The following LUZP2 variants were observed in gnomAD, a reference collection of about 807,000 sequenced individuals.
LUZP2 encodes leucine zipper protein 2.
Under a neutral mutation model 51.6 loss-of-function variants are expected in LUZP2, and 52 were observed. The observed-to-expected ratio is 1.01, with a 90% CI of 0.81 to 1.27. The LOEUF (loss-of-function observed/expected upper bound fraction) is 1.27, where lower values mean the gene tolerates loss of function less well. Among genes scored for constraint, LUZP2 ranks in the 50% most tolerant of loss-of-function variants. The pLI is 0.00. For synonymous variants in LUZP2, 154 were observed against 137.3 expected, an observed-to-expected ratio of 1.12 and a Z score of -0.85; for missense variants, 436 against 395.4, an observed-to-expected ratio of 1.10 and a Z score of -0.87.
intron 7 of LUZP2, among the ~76,000 whole-genome samples, chr11:24,943,620 G>A (rs771236629): frequency 6.6e-6 from 1 of 152,152 alleles, no homozygotes; most frequent in Non-Finnish European, 1.5e-5. Flanking sequence ...GCTCATGCCT[G>A]TAATCCCAGC....
At chr11:24,959,620 G>A (rs1379318588) in intron 7 of LUZP2, among the ~76,000 whole-genome samples, 1 of 152,208 alleles carries the variant, frequency 6.6e-6, no homozygotes, top group Non-Finnish European at 1.5e-5. Flanking sequence ...AGACTTTGCT[G>A]AAGTTGCTTA....
At chr11:24,908,594 A>G (rs1350375382) in intron 6 of LUZP2, among the ~76,000 whole-genome samples, 4 of 152,178 alleles carry the variant, frequency 2.6e-5, no homozygotes, top group African/African-American at 7.2e-5. Context: ...GCTTTTCAAA[A>G]TGTTGCTAAC....
intron 4 of LUZP2, among the ~76,000 whole-genome samples, chr11:24,746,620 T>C (rs750058396): frequency 7.2e-5 from 11 of 152,212 alleles, no homozygotes; most frequent in East Asian, 5.8e-4. Flanking sequence ...ATGGAAGTTT[T>C]CTTCAATTAT....
chr11:24,643,020 A>C (rs1319617883), intron 1 of LUZP2, among the ~76,000 whole-genome samples: 1 of 152,036 alleles, frequency 6.6e-6, no homozygotes, highest in African/African-American at 2.4e-5. Flanking sequence ...AGTGAAGAAG[A>C]GGGTCTCTTT....
intron 5 of LUZP2, among the ~76,000 whole-genome samples, chr11:24,781,393 T>C (rs1488119480): frequency 2.0e-5 from 3 of 152,124 alleles, no homozygotes; most frequent in African/African-American, 7.2e-5. Context: ...AGTTTTGGTT[T>C]AACCTCAGAG....
At chr11:24,519,935 TA>T (rs1260739344) in intron 1 of LUZP2, among the ~76,000 whole-genome samples, 1 of 152,250 alleles carries the variant, frequency 6.6e-6, no homozygotes, top group Non-Finnish European at 1.5e-5. Flanking sequence ...AGTAACTCAA[TA>T]TAACAACATC....
At chr11:24,922,426 T>C (rs1854089778) in intron 7 of LUZP2, among the ~76,000 whole-genome samples, 1 of 152,186 alleles carries the variant, frequency 6.6e-6, no homozygotes, top group Non-Finnish European at 1.5e-5. Context: ...TGTAAAGTAG[T>C]TTTTCCTTAA....
At chr11:24,945,059 C>G (rs1399440428) in intron 7 of LUZP2, among the ~76,000 whole-genome samples, 2 of 152,146 alleles carry the variant, frequency 1.3e-5, no homozygotes, top group Admixed American at 1.3e-4. Flanking sequence ...TCTTTGCAAG[C>G]TGGAAACCAC....
intron 4 of LUZP2, among the ~76,000 whole-genome samples, chr11:24,747,039 A>T (rs1859407347): frequency 6.6e-6 from 1 of 152,050 alleles, no homozygotes; most frequent in Admixed American, 6.6e-5. Context: ...AACCGCCTGA[A>T]TTCTTTTTCA....
intron 10 of LUZP2, among the ~76,000 whole-genome samples, chr11:25,062,504 C>A (rs893135532): frequency 6.9e-6 from 1 of 144,172 alleles, no homozygotes; most frequent in Non-Finnish European, 1.5e-5. Context: ...GTGGGAGGAT[C>A]ACTGGAGCCA....
intron 5 of LUZP2, among the ~76,000 whole-genome samples, chr11:24,888,477 C>T (rs1852741348): frequency 6.6e-6 from 1 of 151,742 alleles, no homozygotes; most frequent in African/African-American, 2.4e-5. Flanking sequence ...AGTTTCCAGT[C>T]AAAAATCAAA....
At chr11:25,006,050 C>A (rs187539214) in intron 9 of LUZP2, among the ~76,000 whole-genome samples, 1 of 152,040 alleles carries the variant, frequency 6.6e-6, no homozygotes, top group Admixed American at 6.6e-5. Context: ...TTCTGAGGCT[C>A]CCCATATCCC....
intron 5 of LUZP2, among the ~76,000 whole-genome samples, chr11:24,844,830 T>C (rs939408450): frequency 6.6e-6 from 1 of 152,200 alleles, no homozygotes; most frequent in Non-Finnish European, 1.5e-5. Context: ...CATGTGGTGT[T>C]GAACCTGCAA....
chr11:24,983,007 C>A, intron 8 of LUZP2, 119 bp from the exon 9 acceptor site: 1 of 918,538 alleles, frequency 1.1e-6, no homozygotes, highest in Non-Finnish European at 1.6e-6. Context: ...TAGGCAATTA[C>A]ATTTGAAAAG....
chr11:24,657,409 G>A (rs1232255762), intron 1 of LUZP2, among the ~76,000 whole-genome samples: 2 of 152,040 alleles, frequency 1.3e-5, no homozygotes, highest in Non-Finnish European at 2.9e-5. Context: ...AATAAATTAG[G>A]TATTGATGGG....
chr11:24,924,610 G>A (rs907760400), intron 7 of LUZP2, among the ~76,000 whole-genome samples: 2 of 152,148 alleles, frequency 1.3e-5, no homozygotes, highest in African/African-American at 4.8e-5. Context: ...ATTTTGCCAA[G>A]GTTAAGGGCA....
chr11:25,064,963 A>G (rs1446164), intron 10 of LUZP2, among the ~76,000 whole-genome samples: 55,157 of 151,946 alleles, frequency 0.36, 12,417 homozygotes, highest in East Asian at 0.78. Flanking sequence ...ATTTAAAACC[A>G]TAATCATAAC....
intron 9 of LUZP2, among the ~76,000 whole-genome samples, chr11:25,011,025 C>A (rs1239427459): frequency 6.6e-6 from 1 of 152,120 alleles, no homozygotes; most frequent in Non-Finnish European, 1.5e-5. Flanking sequence ...AAATTAGAGT[C>A]ACTGATGTTT....
intron 7 of LUZP2, among the ~76,000 whole-genome samples, chr11:24,947,840 G>T (rs1854943133): frequency 6.6e-6 from 1 of 151,732 alleles, no homozygotes; most frequent in South Asian, 2.1e-4. Context: ...TCTTGGTGTG[G>T]TCTCTTGTCC....
Sources: allele counts gnomAD v4.1 joint callset (sites outside exome capture counted in the v4.1 genomes callset), GRCh38; gene constraint gnomAD v4.1.1; transcripts MANE v1.5; gene names NCBI Gene and HGNC (gene_info 2026-07-23, HGNC 2026-07-21).